DLC1: variants seen among roughly 807,000 people sequenced by gnomAD.
The protein encoded by DLC1 is rho GTPase-activating protein 7.
A neutral mutation model predicts 140.3 loss-of-function variants in DLC1; 54 were observed. The ratio of observed to expected loss-of-function variants is 0.38; its 90% CI spans 0.31 to 0.48. The LOEUF (loss-of-function observed/expected upper bound fraction) is 0.48. DLC1 is among the 20% of genes least tolerant of loss of function. The pLI, the probability that DLC1 is intolerant of heterozygous loss-of-function variation, is 0.96. For missense variants in DLC1, 2,536 were observed against 1,907.0 expected, an observed-to-expected ratio of 1.33 and a Z score of -6.14; for synonymous variants, 986 against 728.1, an observed-to-expected ratio of 1.35 and a Z score of -5.70.
chr8:13,501,628 A>T (rs1221179337), intron 1 of DLC1, among the ~76,000 whole-genome samples: 1 of 152,202 alleles, frequency 6.6e-6, no homozygotes, highest in African/African-American at 2.4e-5. Flanking sequence ...TGAGAGGTAA[A>T]TATTTCCAGT....
In DLC1 at chr8:13,544,751, A is replaced by G. The variant is rs555761731; in HGVS notation, c.-125-44555T>C. On this transcript the variant is annotated intron_variant, in intron 1 of 1. Coordinates refer to the DLC1 transcript ENST00000631382. ...CATGAAAATATACAATCCATTTTACACAACTGTCCATTAAAAAAGCTAAAA... is the reference window on the plus strand; with the variant it reads ...CATGAAAATATACAATCCATTTTACGCAACTGTCCATTAAAAAAGCTAAAA... Among the ~76,000 whole-genome samples, 3 of 152,350 alleles carry G rather than the reference A, an allele frequency of 2.0e-5. No individual in the cohort carries two copies. The East Asian group carries it at 5.8e-4, about 29-fold the overall frequency.
At chr8:13,225,679 G>A (rs1585953058) in intron 5 of DLC1, among the ~76,000 whole-genome samples, 1 of 149,814 alleles carries the variant, frequency 6.7e-6, no homozygotes, top group African/African-American at 2.5e-5. Context: ...GCAGAGGCGC[G>A]GCCTCGGCTC....
At chr8:13,247,281 T>C (rs1829804171) in intron 5 of DLC1, among the ~76,000 whole-genome samples, 1 of 152,170 alleles carries the variant, frequency 6.6e-6, no homozygotes, top group Non-Finnish European at 1.5e-5. Context: ...TTTGGCACAG[T>C]TGTTACTAGG....
At chr8:13,500,572 T>C (rs575827250) in intron 1 of DLC1, among the ~76,000 whole-genome samples, 1 of 152,364 alleles carries the variant, frequency 6.6e-6, no homozygotes, top group South Asian at 2.1e-4. Flanking sequence ...TTTACTTTTG[T>C]GAACACAAGT....
chr8:13,550,112 C>T (rs1277808954), intron 1 of DLC1, among the ~76,000 whole-genome samples: 1 of 152,074 alleles, frequency 6.6e-6, no homozygotes, highest in Non-Finnish European at 1.5e-5. Flanking sequence ...TTTGTCCCCA[C>T]CCAAATCTCA....
At chr8:13,568,867 G>C (rs1159881223) in intron 1 of DLC1, among the ~76,000 whole-genome samples, 2 of 152,194 alleles carry the variant, frequency 1.3e-5, no homozygotes, top group Non-Finnish European at 2.9e-5. Context: ...AAATGGGGCA[G>C]ACAAAATAGA....
intron 2 of DLC1, among the ~76,000 whole-genome samples, chr8:13,432,028 T>C (rs1472617282): frequency 6.6e-6 from 1 of 152,228 alleles, no homozygotes; most frequent in African/African-American, 2.4e-5. Flanking sequence ...TCTGCTTCTC[T>C]ATCAAATCTC....
chr8:13,171,758 A>G (rs1825495763), intron 5 of DLC1, among the ~76,000 whole-genome samples: 2 of 152,154 alleles, frequency 1.3e-5, no homozygotes, highest in African/African-American at 4.8e-5. Context: ...AACATATAAC[A>G]TCTAATCAAG....
At chr8:13,103,839 C>CAAAAAA (rs1002564334) in intron 7 of DLC1, among the ~76,000 whole-genome samples, 1 of 60,770 alleles carries the variant, frequency 1.6e-5, no homozygotes, top group African/African-American at 5.0e-5. Flanking sequence ...GACTCCATCT[C>CAAAAAA]AAAAAAAAAA....
intron 16 of DLC1, 95 bp downstream of exon 16, chr8:13,088,392 A>G (rs1563561074): frequency 7.1e-7 from 1 of 1,407,546 alleles, no homozygotes; most frequent in Non-Finnish European, 9.7e-7. Context: ...CCTCTACTTT[A>G]AATAATTATA....
At chr8:13,368,758 C>G (rs1835602929) in intron 4 of DLC1, among the ~76,000 whole-genome samples, 1 of 152,132 alleles carries the variant, frequency 6.6e-6, no homozygotes, top group Admixed American at 6.6e-5. Flanking sequence ...AAACAAGTTT[C>G]TTCCAAGTAA....
chr8:13,589,761 T>C (rs1246025785), intron 1 of DLC1, among the ~76,000 whole-genome samples: 1 of 151,726 alleles, frequency 6.6e-6, no homozygotes, highest in Admixed American at 6.6e-5. Flanking sequence ...CCAACAGAGA[T>C]TGTGTAAATT....
chr8:13,346,206 C>A (rs1834332026), intron 4 of DLC1, among the ~76,000 whole-genome samples: 1 of 152,238 alleles, frequency 6.6e-6, no homozygotes, highest in South Asian at 2.1e-4. Flanking sequence ...CCTGTCTCTA[C>A]AACTTGGTTA....
chr8:13,147,586 C>T (rs1823526545), intron 5 of DLC1, among the ~76,000 whole-genome samples: 1 of 152,186 alleles, frequency 6.6e-6, no homozygotes, highest in South Asian at 2.1e-4. Flanking sequence ...TCTACTCCAA[C>T]CAGGACCAAG....
chr8:13,251,021 G>A (rs1829980367), intron 5 of DLC1, among the ~76,000 whole-genome samples: 1 of 152,202 alleles, frequency 6.6e-6, no homozygotes, highest in African/African-American at 2.4e-5. Context: ...TGCTGGACTT[G>A]AAAGTCCAAG....
intron 5 of DLC1, among the ~76,000 whole-genome samples, chr8:13,161,481 C>T (rs1824692922): frequency 6.6e-6 from 1 of 152,140 alleles, no homozygotes; most frequent in Non-Finnish European, 1.5e-5. Flanking sequence ...GCTGGGACTA[C>T]AGGCACGCAC....
chr8:13,160,996 GC>G (rs1359763897), intron 5 of DLC1, among the ~76,000 whole-genome samples: 1 of 152,162 alleles, frequency 6.6e-6, no homozygotes, highest in Admixed American at 6.5e-5. Context: ...CAGGAGAATG[GC>G]ACGAACCCGG....
intron 2 of DLC1, among the ~76,000 whole-genome samples, chr8:13,449,661 G>A (rs903525891): frequency 1.3e-5 from 2 of 151,406 alleles, no homozygotes; most frequent in African/African-American, 4.9e-5. Flanking sequence ...CACACACTGG[G>A]GCCTGTTGTG....
chr8:13,538,281 G>T (rs1803361665), intron 1 of DLC1, among the ~76,000 whole-genome samples: 1 of 151,796 alleles, frequency 6.6e-6, no homozygotes, highest in African/African-American at 2.4e-5. Context: ...AGCACTTGGA[G>T]AATCCAATGT....
Sources: allele counts gnomAD v4.1 joint callset (sites outside exome capture counted in the v4.1 genomes callset), GRCh38; gene constraint gnomAD v4.1.1; transcripts MANE v1.5; gene names NCBI Gene and HGNC (gene_info 2026-07-23, HGNC 2026-07-21).